Variants in DHX57 observed in about 807,000 individuals in gnomAD.
DHX57 encodes DExH-box helicase 57, also known as putative ATP-dependent RNA helicase DHX57.
A neutral mutation model predicts 156.2 loss-of-function variants in DHX57; 105 were observed. The observed-to-expected ratio is 0.67, with a 90% CI of 0.57 to 0.79. DHX57 has a LOEUF of 0.79. DHX57 is among the 30% of genes least tolerant of loss of function. The probability of loss-of-function intolerance (pLI) is 0.00; values close to 1 mark genes in which losing one functional copy is unlikely to be tolerated. For missense variants in DHX57, 1,847 were observed against 1,661.9 expected (o/e 1.11, Z -1.94); for synonymous variants, 704 against 595.6 (o/e 1.18, Z -2.65).
Position 38,802,847 on chromosome 2 carries a change from T to C in DHX57, c.3885A>G (p.Arg1295=), listed in dbSNP as rs747234014. The change falls in exon 23 of 24, where the codon CGA becomes CGG. Residue 1295 remains arginine, a synonymous_variant. Coordinates refer to ENST00000457308, the MANE Select transcript of DHX57 (RefSeq NM_198963.3). ...EKIKTSRVFI[R]DCSMVSVYPL... is the part of the protein sequence containing the mutation. ...GGTACACAGACACCATGCTGCAGTCTCGGATGAATACTCGACTAGTTTTTA... is the reference window on the plus strand; with the variant it reads ...GGTACACAGACACCATGCTGCAGTCCCGGATGAATACTCGACTAGTTTTTA... The C allele has an allele frequency of 1.9e-6, 3 of 1,613,968 alleles. No individual in the cohort carries two copies. The highest frequency in any genetic ancestry group is 1.3e-5 in the African/African-American group (1 of 74,892).
chr2:38,798,472 C>T (rs774678649), intron 23 of DHX57, 30 bp from the exon 24 acceptor site: 9 of 1,586,764 alleles, frequency 5.7e-6, no homozygotes, highest in Middle Eastern at 3.4e-4. Context: ...ATAAGCAGTG[C>T]TTGGAGGAAC....
At chr2:38,847,364 A>G (rs934418470) in intron 10 of DHX57, among the ~76,000 whole-genome samples, 1 of 152,144 alleles carries the variant, frequency 6.6e-6, no homozygotes, top group African/African-American at 2.4e-5. Flanking sequence ...CACTTCCACC[A>G]TAGAGGACCT....
intron 9 of DHX57, among the ~76,000 whole-genome samples, chr2:38,849,643 G>A (rs747982508): frequency 2.4e-4 from 36 of 152,122 alleles, no homozygotes; most frequent in Non-Finnish European, 4.9e-4. Context: ...TATATGGCAC[G>A]GTCTACACCC....
intron 23 of DHX57, among the ~76,000 whole-genome samples, chr2:38,799,407 C>T (rs1350752292): frequency 6.9e-6 from 1 of 144,260 alleles, no homozygotes; most frequent in African/African-American, 2.6e-5. Flanking sequence ...TTACTGATCA[C>T]CGATCACTCC....
intron 11 of DHX57, among the ~76,000 whole-genome samples, chr2:38,846,560 T>A (rs1305797603): frequency 6.8e-6 from 1 of 147,084 alleles, no homozygotes; most frequent in African/African-American, 2.5e-5. Flanking sequence ...GAGGCTGCAG[T>A]GAGCTATGAT....
chr2:38,800,872 G>A (rs1321952057), intron 23 of DHX57, among the ~76,000 whole-genome samples: 1 of 152,086 alleles, frequency 6.6e-6, no homozygotes, highest in East Asian at 1.9e-4. Context: ...TATGAAATGT[G>A]GCCAGCCCAA....
intron 23 of DHX57, among the ~76,000 whole-genome samples, chr2:38,800,171 G>A (rs1290420462): frequency 1.5e-5 from 2 of 133,022 alleles, no homozygotes; most frequent in African/African-American, 5.5e-5. Context: ...GGCAACAAGA[G>A]CGAAACTCCA....
At chr2:38,806,089 A>C (rs1483724440) in intron 22 of DHX57, among the ~76,000 whole-genome samples, 1 of 152,234 alleles carries the variant, frequency 6.6e-6, no homozygotes, top group African/African-American at 2.4e-5. Context: ...GCAATGTCAA[A>C]TACCATGTGA....
At chr2:38,864,326 C>A (rs539412864) in intron 2 of DHX57, among the ~76,000 whole-genome samples, 1 of 150,292 alleles carries the variant, frequency 6.7e-6, no homozygotes, top group Non-Finnish European at 1.5e-5. Context: ...GGTAGGATTG[C>A]TTAAGCCCCA....
intron 9 of DHX57, among the ~76,000 whole-genome samples, chr2:38,852,308 C>T (rs1443104967): frequency 2.0e-5 from 3 of 146,510 alleles, no homozygotes; most frequent in East Asian, 3.9e-4. Flanking sequence ...TCCCGAGTAG[C>T]TGGGACTACA....
chr2:38,848,437 C>T (rs1272248733), intron 9 of DHX57, 35 bp from the exon 10 acceptor site: 1 of 1,543,974 alleles, frequency 6.5e-7, no homozygotes. Context: ...GAGGATCAAA[C>T]AAATTCAACA....
chr2:38,846,915 G>GC (rs1386819038), intron 11 of DHX57, 104 bp downstream of exon 11: 1 of 852,032 alleles, frequency 1.2e-6, no homozygotes, highest in African/African-American at 1.7e-5. Context: ...TCTTGAACTG[G>GC]CCCCAAAAGA....
At chr2:38,804,834 C>G (rs527560033) in intron 22 of DHX57, among the ~76,000 whole-genome samples, 166 of 152,284 alleles carry the variant, frequency 1.1e-3, no homozygotes, top group African/African-American at 3.8e-3. Context: ...GTTTCTCATC[C>G]CGGAGTTCTT....
intron 1 of DHX57, among the ~76,000 whole-genome samples, chr2:38,871,710 C>CTT (rs145199958): frequency 0.05 from 6,879 of 136,638 alleles, 322 homozygotes; most frequent in African/African-American, 0.13. Flanking sequence ...ATAACTCATT[C>CTT]TTTTTTTTTT....
intron 1 of DHX57, among the ~76,000 whole-genome samples, chr2:38,872,818 C>A (rs888866219): frequency 3.9e-5 from 6 of 152,118 alleles, no homozygotes; most frequent in South Asian, 4.1e-4. Flanking sequence ...GGTAGAACAA[C>A]TAGACAGAGG....
In DHX57 at chr2:38,815,569, C is replaced by T; in HGVS notation, c.3558G>A (p.Glu1186=). 1 of 1,614,082 alleles carries T rather than the reference C, an allele frequency of 6.2e-7. No individual in the cohort carries two copies. Among genetic ancestry groups the T allele is most frequent in the Non-Finnish European group, 8.5e-7 (1 of 1,180,022 alleles). ...CACCATCTCCTCCTTGGGCCCTTTTCTCAATTTCCCTTGCTCTGAGCCCTT... is the reference window on the plus strand; with the variant it reads ...CACCATCTCCTCCTTGGGCCCTTTTTTCAATTTCCCTTGCTCTGAGCCCTT... ...AREGLRAREI[E]KRAQGGDGVL... The change falls in exon 20 of 24, where the codon GAG becomes GAA. Residue 1186 remains glutamate, a synonymous_variant. Transcript: ENST00000457308.
chr2:38,806,435 T>C (rs930185435), intron 22 of DHX57, 124 bp downstream of exon 22: 5 of 1,045,222 alleles, frequency 4.8e-6, no homozygotes, highest in Admixed American at 5.1e-5. Flanking sequence ...TTATTCAATC[T>C]TCCCTCAGTC....
intron 21 of DHX57, chr2:38,811,190 T>G (rs1670226641): frequency 2.0e-6 from 1 of 493,308 alleles, no homozygotes; most frequent in Non-Finnish European, 3.8e-6. Context: ...CTCTGCATAT[T>G]CCATCAGATC....
intron 1 of DHX57, among the ~76,000 whole-genome samples, chr2:38,873,959 T>C (rs1665471889): frequency 6.6e-6 from 1 of 152,140 alleles, no homozygotes; most frequent in Admixed American, 6.5e-5. Context: ...GGGGATTGGT[T>C]CCAGAACCCC....
Sources: gnomAD v4.1 joint callset for allele counts (sites outside exome capture counted in the v4.1 genomes callset) on GRCh38, gnomAD v4.1.1 for gene constraint, MANE v1.5 for transcripts, NCBI Gene and HGNC (gene_info 2026-07-23, HGNC 2026-07-21) for gene names.